The following CFAP299 variants were observed in gnomAD, a reference collection of about 807,000 sequenced individuals.
The protein encoded by CFAP299 is cilia and flagella associated protein 299.
In CFAP299, 21 loss-of-function variants were observed where a neutral mutation model predicts 27.0. The observed-to-expected ratio is 0.78, with a 90% confidence interval of 0.55 to 1.12. The LOEUF (loss-of-function observed/expected upper bound fraction) is 1.12. CFAP299 is among the 50% of genes most tolerant of loss of function. The probability of loss-of-function intolerance (pLI) is 0.00; values close to 1 mark genes in which losing one functional copy is unlikely to be tolerated. For synonymous variants in CFAP299, 104 were observed against 98.1 expected, an observed-to-expected ratio of 1.06 and a Z score of -0.36; for missense variants, 310 against 276.6, an observed-to-expected ratio of 1.12 and a Z score of -0.86.
At chr4:80,770,373 C>T (rs1726140918) in intron 3 of CFAP299, among the ~76,000 whole-genome samples, 1 of 152,138 alleles carries the variant, frequency 6.6e-6, no homozygotes, top group Non-Finnish European at 1.5e-5. Context: ...GCTCCTGGCA[C>T]CTTTAGCACT....
At chr4:80,661,914 G>A (rs1417983729) in intron 3 of CFAP299, among the ~76,000 whole-genome samples, 1 of 152,184 alleles carries the variant, frequency 6.6e-6, no homozygotes, top group East Asian at 1.9e-4. Context: ...GTCTTTTACA[G>A]TTGTGGATAA....
At chr4:80,634,972 G>A (rs1739408949) in intron 3 of CFAP299, among the ~76,000 whole-genome samples, 1 of 152,054 alleles carries the variant, frequency 6.6e-6, no homozygotes, top group East Asian at 1.9e-4. Flanking sequence ...TTAATATTAT[G>A]TATTTCACTG....
At chr4:80,858,663 T>C (rs1732097069) in intron 3 of CFAP299, among the ~76,000 whole-genome samples, 1 of 152,208 alleles carries the variant, frequency 6.6e-6, no homozygotes, top group Non-Finnish European at 1.5e-5. Context: ...CATTTCATTA[T>C]GTACCCAGTA....
intron 3 of CFAP299, among the ~76,000 whole-genome samples, chr4:80,716,813 T>C (rs1052970327): frequency 6.6e-6 from 1 of 152,078 alleles, no homozygotes; most frequent in Admixed American, 6.6e-5. Context: ...CCTAGCTGGT[T>C]CCAAAGCAGT....
intron 3 of CFAP299, among the ~76,000 whole-genome samples, chr4:80,863,987 T>C (rs1732538009): frequency 6.6e-6 from 1 of 151,956 alleles, no homozygotes; most frequent in South Asian, 2.1e-4. Context: ...AGATAGAAAG[T>C]AGATTAGTGA....
At chr4:80,459,743 G>A (rs1729347629) in intron 2 of CFAP299, among the ~76,000 whole-genome samples, 1 of 152,136 alleles carries the variant, frequency 6.6e-6, no homozygotes, top group South Asian at 2.1e-4. Context: ...AATCTAACTG[G>A]TATGAAATTC....
chr4:80,388,068 C>A, intron 2 of CFAP299: 1 of 688,920 alleles, frequency 1.5e-6, no homozygotes, highest in African/African-American at 1.8e-5. Flanking sequence ...CCACTCCCAG[C>A]CAGGAGTGCA....
intron 2 of CFAP299, among the ~76,000 whole-genome samples, chr4:80,501,422 T>C (rs1405646154): frequency 6.8e-6 from 1 of 147,746 alleles, no homozygotes; most frequent in African/African-American, 2.4e-5. Context: ...CATATAACTA[T>C]ATAATTATAT....
intron 3 of CFAP299, among the ~76,000 whole-genome samples, chr4:80,613,288 A>G (rs1738093792): frequency 2.0e-5 from 3 of 152,142 alleles, no homozygotes; most frequent in African/African-American, 7.2e-5. Context: ...GCTAAAATAT[A>G]CAGAGCTTTG....
At chr4:80,739,505 G>A (rs994711244) in intron 3 of CFAP299, among the ~76,000 whole-genome samples, 1 of 151,832 alleles carries the variant, frequency 6.6e-6, no homozygotes, top group African/African-American at 2.4e-5. Context: ...AATATGTCAT[G>A]CCACTTTCTC....
intron 3 of CFAP299, among the ~76,000 whole-genome samples, chr4:80,624,308 A>C (rs574038539): frequency 6.6e-6 from 1 of 152,276 alleles, no homozygotes; most frequent in Admixed American, 6.5e-5. Flanking sequence ...GAAAAAAATA[A>C]GTAAAAAGCA....
intron 3 of CFAP299, among the ~76,000 whole-genome samples, chr4:80,866,196 GC>G (rs1260875740): frequency 6.7e-6 from 1 of 149,690 alleles, no homozygotes; most frequent in Non-Finnish European, 1.5e-5. Flanking sequence ...TGTGAGAACA[GC>G]CACAGGTGAT....
chr4:80,695,194 A>T (rs1365071347), intron 3 of CFAP299, among the ~76,000 whole-genome samples: 1 of 152,176 alleles, frequency 6.6e-6, no homozygotes, highest in Non-Finnish European at 1.5e-5. Context: ...TAAAGATTTG[A>T]TACTTTGTTA....
At chr4:80,869,720 G>T (rs1578201011) in intron 3 of CFAP299, among the ~76,000 whole-genome samples, 2 of 152,110 alleles carry the variant, frequency 1.3e-5, no homozygotes, top group African/African-American at 4.8e-5. Context: ...CACCATGTTG[G>T]CCAGGATAGT....
intron 2 of CFAP299, 99 bp downstream of exon 2, chr4:80,362,983 G>C (rs192649693): frequency 7.5e-7 from 1 of 1,341,540 alleles, no homozygotes; most frequent in Admixed American, 2.7e-5. Flanking sequence ...GCACTGGGTG[G>C]AGCAGGTAAA....
intron 3 of CFAP299, among the ~76,000 whole-genome samples, chr4:80,758,071 C>T (rs912434159): frequency 2.0e-5 from 3 of 152,098 alleles, no homozygotes; most frequent in African/African-American, 7.2e-5. Context: ...TTAGTGTTGC[C>T]GTCTATGGAT....
intron 3 of CFAP299, among the ~76,000 whole-genome samples, chr4:80,584,003 A>G (rs1036182933): frequency 6.6e-6 from 1 of 152,006 alleles, no homozygotes; most frequent in African/African-American, 2.4e-5. Context: ...AAAATATCAC[A>G]TGCAGGCAAA....
At chr4:80,937,298 C>CTTTTTTTTTGTTTTTTTTT (rs1203322592) in intron 4 of CFAP299, among the ~76,000 whole-genome samples, 1 of 94,360 alleles carries the variant, frequency 1.1e-5, no homozygotes, top group Non-Finnish European at 2.1e-5. Context: ...TTTCTTTTTT[C>CTTTTTTTTTGTTTTTTTTT]TTTTTTTTTC....
intron 3 of CFAP299, among the ~76,000 whole-genome samples, chr4:80,683,689 C>T (rs1303304003): frequency 6.6e-6 from 1 of 152,120 alleles, no homozygotes; most frequent in Non-Finnish European, 1.5e-5. Context: ...AGGAATAGCA[C>T]ATACCTTGGA....
Sources: gnomAD v4.1 joint callset for allele counts (sites outside exome capture counted in the v4.1 genomes callset) on GRCh38, gnomAD v4.1.1 for gene constraint, MANE v1.5 for transcripts, NCBI Gene and HGNC (gene_info 2026-07-23, HGNC 2026-07-21) for gene names.